The following MBD5 variants were observed in gnomAD, a reference collection of about 807,000 sequenced individuals.
MBD5 encodes the protein methyl-CpG-binding domain protein 5.
A neutral mutation model predicts 117.3 loss-of-function variants in MBD5; 13 were observed. The observed-to-expected ratio is 0.11, with a 90% CI of 0.07 to 0.18. The LOEUF (loss-of-function observed/expected upper bound fraction) is 0.18, where lower values mean the gene tolerates loss of function less well. Among genes scored for constraint, MBD5 ranks in the 10% least tolerant of loss-of-function variants. The probability of loss-of-function intolerance (pLI) is 1.00; values close to 1 mark genes in which losing one functional copy is unlikely to be tolerated. For missense variants in MBD5, 1,879 were observed against 2,093.8 expected (o/e 0.90, Z 2.00); for synonymous variants, 727 against 766.4 (o/e 0.95, Z 0.85).
chr2:148,390,294 C>A (rs541576586), intron 4 of MBD5, among the ~76,000 whole-genome samples: 115 of 151,900 alleles, frequency 7.6e-4, no homozygotes, highest in Non-Finnish European at 1.5e-3. Flanking sequence ...TATTTTTGTA[C>A]CAGTACCATG....
intron 1 of MBD5, among the ~76,000 whole-genome samples, chr2:148,031,167 A>G (rs1694027693): frequency 6.6e-6 from 1 of 152,218 alleles, no homozygotes; most frequent in Non-Finnish European, 1.5e-5. Context: ...ATAATCATGT[A>G]ATATTTTTGT....
intron 3 of MBD5, among the ~76,000 whole-genome samples, chr2:148,240,076 CT>C (rs1354732016): frequency 3.0e-4 from 45 of 152,120 alleles, no homozygotes; most frequent in African/African-American, 1.1e-3. Flanking sequence ...CCATGGAATC[CT>C]ATGCAGCCAT....
At chr2:148,054,313 G>A (rs1321566718) in intron 1 of MBD5, 2 of 152,144 alleles carry the variant, frequency 1.3e-5, no homozygotes, top group Non-Finnish European at 2.9e-5. Context: ...CATACATCAC[G>A]ACTTACATTT....
chr2:148,239,461 T>G (rs1371260286), intron 3 of MBD5, among the ~76,000 whole-genome samples: 3 of 152,302 alleles, frequency 2.0e-5, no homozygotes, highest in African/African-American at 7.2e-5. Flanking sequence ...CATTTATATT[T>G]ATAATCATAC....
intron 1 of MBD5, among the ~76,000 whole-genome samples, chr2:148,124,750 T>G (rs2105428602): frequency 6.6e-6 from 1 of 152,206 alleles, no homozygotes; most frequent in South Asian, 2.1e-4. Flanking sequence ...AATGCAAAAT[T>G]TTTTGTATTT....
chr2:148,060,056 C>T (rs1385207938), intron 1 of MBD5, among the ~76,000 whole-genome samples: 1 of 133,468 alleles, frequency 7.5e-6, no homozygotes, highest in East Asian at 2.3e-4. Flanking sequence ...GAGGCCGAAG[C>T]AGGTGGATGG....
chr2:148,428,194 A>G (rs943065103), intron 4 of MBD5, among the ~76,000 whole-genome samples: 1 of 152,204 alleles, frequency 6.6e-6, no homozygotes, highest in African/African-American at 2.4e-5. Context: ...ATTCTTATAC[A>G]CTAATAACAG....
chr2:148,152,538 G>T (rs1232787808), intron 1 of MBD5, among the ~76,000 whole-genome samples: 2 of 151,816 alleles, frequency 1.3e-5, no homozygotes, highest in East Asian at 1.9e-4. Context: ...TGACAGTGGG[G>T]TGTTAAAGTC....
At chr2:148,263,597 A>C (rs1239771396) in intron 3 of MBD5, among the ~76,000 whole-genome samples, 1 of 152,184 alleles carries the variant, frequency 6.6e-6, no homozygotes, top group East Asian at 1.9e-4. Flanking sequence ...CAAAGACCGG[A>C]AAAGTGGATG....
intron 4 of MBD5, among the ~76,000 whole-genome samples, chr2:148,370,727 G>A (rs1037290522): frequency 6.6e-6 from 1 of 152,180 alleles, no homozygotes; most frequent in South Asian, 2.1e-4. Context: ...GAGCCCAAGA[G>A]ATCAGCCTGC....
At chr2:148,152,711 T>C (rs1399142228) in intron 1 of MBD5, among the ~76,000 whole-genome samples, 1 of 151,240 alleles carries the variant, frequency 6.6e-6, no homozygotes, top group East Asian at 1.9e-4. Context: ...CTTTGTCTCT[T>C]TTGATCTTTG....
intron 1 of MBD5, among the ~76,000 whole-genome samples, chr2:148,153,434 C>G (rs1392566583): frequency 5.0e-5 from 7 of 140,166 alleles, no homozygotes; most frequent in East Asian, 4.3e-4. Flanking sequence ...TTGCTCTTCT[C>G]GAGGAGTATC....
chr2:148,397,608 C>G (rs1029842654), intron 4 of MBD5, among the ~76,000 whole-genome samples: 1 of 152,044 alleles, frequency 6.6e-6, no homozygotes, highest in Non-Finnish European at 1.5e-5. Flanking sequence ...AGATTACAGG[C>G]GTGAGCCACC....
intron 12 of MBD5, among the ~76,000 whole-genome samples, chr2:148,504,079 T>C (rs1559106239): frequency 6.6e-6 from 1 of 152,218 alleles, no homozygotes; most frequent in Admixed American, 6.5e-5. Flanking sequence ...AAGCAATTTC[T>C]GAAAGGTAAT....
chr2:148,291,572 TA>T (rs1701501587), intron 3 of MBD5, among the ~76,000 whole-genome samples: 1 of 152,224 alleles, frequency 6.6e-6, no homozygotes, highest in Non-Finnish European at 1.5e-5. Flanking sequence ...TTGATTTTTG[TA>T]TATTGATCTT....
At chr2:148,114,246 G>A (rs1467547985) in intron 1 of MBD5, among the ~76,000 whole-genome samples, 1 of 152,134 alleles carries the variant, frequency 6.6e-6, no homozygotes, top group Non-Finnish European at 1.5e-5. Context: ...CAAGGCAGGC[G>A]GGATCACAAG....
At chr2:148,391,396 C>A (rs1341139343) in intron 4 of MBD5, among the ~76,000 whole-genome samples, 5 of 152,126 alleles carry the variant, frequency 3.3e-5, no homozygotes, top group African/African-American at 1.2e-4. Context: ...TTGCTTCACT[C>A]GGACTAAATG....
At chr2:148,103,920 T>C (rs562681942) in intron 1 of MBD5, among the ~76,000 whole-genome samples, 2 of 152,318 alleles carry the variant, frequency 1.3e-5, no homozygotes, top group South Asian at 4.1e-4. Flanking sequence ...ATAATTTTTA[T>C]AGCAAGTACC....
In MBD5 at chr2:148,515,069, C is replaced by T. The variant is rs1434036835; in HGVS notation, c.*2128C>T. 1 of 152,120 alleles carries T rather than the reference C, an allele frequency of 6.6e-6. No homozygotes were observed. Among genetic ancestry groups the T allele is most frequent in the Admixed American group, 6.5e-5 (1 of 15,276 alleles). The allele number at this position is 152,120 out of a possible 1,614,324, so 9.4% of individuals were successfully genotyped here. ...GTTGATGTGGCTAGTATGTTTAAAC[C>T]ATTAATGTCCATTTTTTTTGCACCA... On this transcript the variant is annotated 3_prime_UTR_variant, in exon 14 of 14. Transcript: ENST00000642680.
Sources: gnomAD v4.1 joint callset for allele counts (sites outside exome capture counted in the v4.1 genomes callset) on GRCh38, gnomAD v4.1.1 for gene constraint, MANE v1.5 for transcripts, NCBI Gene and HGNC (gene_info 2026-07-23, HGNC 2026-07-21) for gene names.